CLIP1: variants seen among roughly 807,000 people sequenced by gnomAD.
The protein encoded by CLIP1 is CAP-Gly domain-containing linker protein 1.
A neutral mutation model predicts 161.6 loss-of-function variants in CLIP1; 66 were observed. The ratio of observed to expected loss-of-function variants is 0.41; its 90% CI spans 0.33 to 0.50. The LOEUF is 0.50. Ranked by LOEUF, CLIP1 falls within the 20% of genes least tolerant of loss-of-function variation. The pLI is 0.27. For synonymous variants in CLIP1, 598 were observed against 626.2 expected (o/e 0.96, Z 0.67); for missense variants, 1,376 against 1,702.0 (o/e 0.81, Z 3.37).
chr12:122,319,162 G>A (rs1020620523), intron 18 of CLIP1, 70 bp downstream of exon 18: 5 of 1,048,888 alleles, frequency 4.8e-6, no homozygotes, highest in African/African-American at 4.7e-5. Flanking sequence ...GCAATCCTGA[G>A]TCAGTGACCA....
rs761584638 is a variant in CLIP1, at chr12:122,354,523, G to A, written c.1237C>T (p.Leu413=). 25 of 1,613,838 alleles carry A rather than the reference G, an allele frequency of 1.5e-5. No individual in the cohort carries two copies. In the Admixed American group the frequency reaches 4.0e-4, roughly 26 times the overall value. The change falls in exon 7 of 26, where the codon CTG becomes TTG. Residue 413 remains leucine, a synonymous_variant. Coordinates refer to ENST00000620786, the MANE Select transcript of CLIP1 (RefSeq NM_001247997.2). ...VLELEAKMDQ[L]RTMVEAADRE... ...TCAGCAGCTTCCACCATTGTTCGCA[G>A]CTGGTCCATTTTGGCTTCCAATTCC...
chr12:122,320,014 C>T (rs994483100), intron 17 of CLIP1, among the ~76,000 whole-genome samples: 3 of 152,078 alleles, frequency 2.0e-5, no homozygotes, highest in Admixed American at 6.5e-5. Context: ...GTGGCTCACG[C>T]CTGTAATCCC....
chr12:122,421,453 C>G (rs1196556658), intron 1 of CLIP1, among the ~76,000 whole-genome samples: 1 of 152,114 alleles, frequency 6.6e-6, no homozygotes, highest in Non-Finnish European at 1.5e-5. Flanking sequence ...ACCCTAATGA[C>G]AGCAGTGGCC....
intron 1 of CLIP1, among the ~76,000 whole-genome samples, chr12:122,410,340 T>C (rs1286738071): frequency 6.6e-6 from 1 of 152,190 alleles, no homozygotes; most frequent in Non-Finnish European, 1.5e-5. Context: ...GGCATTCTTT[T>C]GTATACCATT....
chr12:122,363,111 C>T (rs1953952644), intron 4 of CLIP1, among the ~76,000 whole-genome samples: 1 of 152,174 alleles, frequency 6.6e-6, no homozygotes, highest in African/African-American at 2.4e-5. Context: ...TAGACAACAC[C>T]TGTGCCTTCA....
At chr12:122,318,039 G>A (rs1230224518) in intron 18 of CLIP1, among the ~76,000 whole-genome samples, 1 of 152,108 alleles carries the variant, frequency 6.6e-6, no homozygotes, top group Non-Finnish European at 1.5e-5. Flanking sequence ...TCTTCTCTTA[G>A]GATTGTCAGT....
intron 3 of CLIP1, among the ~76,000 whole-genome samples, chr12:122,367,394 G>T (rs1406271128): frequency 6.6e-6 from 1 of 152,166 alleles, no homozygotes; most frequent in Non-Finnish European, 1.5e-5. Flanking sequence ...AACAGAAAAT[G>T]TATTTTTCTT....
chr12:122,295,781 C>T (rs753707963), intron 20 of CLIP1, among the ~76,000 whole-genome samples: 2 of 152,138 alleles, frequency 1.3e-5, no homozygotes, highest in African/African-American at 4.8e-5. Flanking sequence ...TCATGTATTT[C>T]GGGACTCTGT....
Position 122,383,256 on chromosome 12 carries a change from A to G in CLIP1, c.-106-2698T>C, listed in dbSNP as rs1955086837. ...ACCTTTTACGGTGACAAAATGAAAG[A>G]ACAAAATGCTCCTTAAATTATTTCA... is the stretch of plus-strand genomic sequence containing the variant. On this transcript the variant is annotated intron_variant, in intron 1 of 25. Coordinates refer to ENST00000620786, the MANE Select transcript of CLIP1 (RefSeq NM_001247997.2). 1.3e-5 allele frequency among the ~76,000 whole-genome samples: 2 copies of G among 152,244 alleles called. 1 individual carries two copies. Among genetic ancestry groups the G allele is most frequent in the Admixed American group, 1.3e-4 (2 of 15,274 alleles).
At chr12:122,414,689 C>T (rs369617726) in intron 1 of CLIP1, among the ~76,000 whole-genome samples, 5 of 151,948 alleles carry the variant, frequency 3.3e-5, no homozygotes, top group East Asian at 2.0e-4. Context: ...TGGTCTTGAT[C>T]TCTTGACCTT....
chr12:122,422,684 C>T (rs1380589380), upstream of CLIP1: 2 of 141,570 alleles, frequency 1.4e-5, no homozygotes, highest in Admixed American at 1.4e-4. Context: ...GGAGAAGACG[C>T]CGCGCGGCTC....
chr12:122,274,124 C>T lies in CLIP1; in HGVS notation c.4005G>A (p.Arg1335=). The T allele has an allele frequency of 6.2e-7, 1 of 1,607,698 alleles. No individual in the cohort carries two copies. The highest frequency in any genetic ancestry group is 8.5e-7 in the Non-Finnish European group (1 of 1,174,362). The change falls in exon 25 of 26, where the codon AGG becomes AGA. Residue 1335 remains arginine, a synonymous_variant. Coordinates refer to ENST00000620786, the MANE Select transcript of CLIP1 (RefSeq NM_001247997.2). ...CCTTCATCTTGAGGTCTTGATTCTT[C>T]CTTTGAAGGTCCACTATTACTGAAT... ...FLNSVIVDLQ[R]KNQDLKMKVE... is the part of the protein sequence containing the mutation.
At chr12:122,370,957 C>CAAAAAAAAAAAAAAAAAAAAA in intron 3 of CLIP1, among the ~76,000 whole-genome samples, 1 of 67,552 alleles carries the variant, frequency 1.5e-5, no homozygotes, top group Non-Finnish European at 2.8e-5. Context: ...GACTCTGTCT[C>CAAAAAAAAAAAAAAAAAAAAA]AAAAAAAAAA....
Position 122,288,546 on chromosome 12 carries a change from G to A in CLIP1, c.3595-5C>T, listed in dbSNP as rs757839753. The A allele has an allele frequency of 8.5e-5, 136 of 1,603,090 alleles. No homozygotes were observed. Among genetic ancestry groups the A allele is most frequent in the Non-Finnish European group, 1.1e-4 (126 of 1,179,062 alleles). On this transcript the variant is annotated splice_polypyrimidine_tract_variant and splice_region_variant and intron_variant, in intron 20 of 25. Coordinates refer to ENST00000620786, the MANE Select transcript of CLIP1 (RefSeq NM_001247997.2). ...CACAGATCTTTCTTCTTCCAGCTAG[G>A]AAAAAAACACAAAAAACTTCAGTTC...
intron 5 of CLIP1, among the ~76,000 whole-genome samples, chr12:122,357,476 G>A (rs540016857): frequency 7.2e-4 from 106 of 146,212 alleles, no homozygotes; most frequent in African/African-American, 2.6e-3. Context: ...GAGCGTCTCC[G>A]CCCGGCAGCC....
At position 122,341,151 on chromosome 12, in the gene CLIP1, G is replaced by A. The variant is rs772384537; in HGVS notation, c.2053C>T (p.Arg685Trp). 5 of 1,614,104 alleles carry A rather than the reference G, an allele frequency of 3.1e-6. No homozygotes were observed. The highest frequency in any genetic ancestry group is 2.2e-5 in the East Asian group (1 of 44,890). ...TCCATCTCTTTAGCATGGGCAGCCC[G>A]TTCAGAGTCTTGTTGATTCTGCAAA... The part of the protein sequence containing the change: ...ENLQNQQDSE[R>W]AAHAKEMEAL... Residue 685 changes from arginine to tryptophan, a missense_variant, in exon 11 of 26, where the codon CGG (arginine) becomes TGG (tryptophan). Around this residue, in one of 6 missense-constraint regions of CLIP1, gnomAD observed 948 missense variants for 1,134.8 expected, o/e 0.84. Transcript: ENST00000620786.
chr12:122,388,057 C>G, intron 1 of CLIP1, among the ~76,000 whole-genome samples: 1 of 152,096 alleles, frequency 6.6e-6, no homozygotes, highest in Non-Finnish European at 1.5e-5. Flanking sequence ...TTGTGTTATT[C>G]AAGAGTCAAC....
In CLIP1 at chr12:122,276,160, A is replaced by G. The variant is rs528197667; in HGVS notation, c.3966+1994T>C. 1.4e-3 allele frequency among the ~76,000 whole-genome samples: 210 copies of G among 152,330 alleles called. 1 individual carries two copies. The highest frequency in any genetic ancestry group is 4.7e-3 in the African/African-American group (197 of 41,562). ...CATAAATATTTTACTTTTTAAAGAA[A>G]TATTTGGTCTTTTTCTCCTGCTGGG... On this transcript the variant is annotated intron_variant, in intron 24 of 25. Transcript: ENST00000620786.
At chr12:122,379,338 G>A (rs1270507208) in intron 2 of CLIP1, among the ~76,000 whole-genome samples, 1 of 151,572 alleles carries the variant, frequency 6.6e-6, no homozygotes, top group Non-Finnish European at 1.5e-5. Flanking sequence ...ACCAGGCCTG[G>A]CATGGTGGCT....
Sources: allele counts gnomAD v4.1 joint callset (sites outside exome capture counted in the v4.1 genomes callset), GRCh38; gene constraint gnomAD v4.1.1; regional missense constraint gnomAD v4.1.1; transcripts MANE v1.5; gene names NCBI Gene and HGNC (gene_info 2026-07-23, HGNC 2026-07-21).